TMEM267: variants seen among roughly 807,000 people sequenced by gnomAD.
TMEM267 encodes the protein transmembrane protein 267, also known as transmembrane protein C5orf28.
A neutral mutation model predicts 19.3 loss-of-function variants in TMEM267; 20 were observed. The ratio of observed to expected loss-of-function variants is 1.04; its 90% CI spans 0.73 to 1.51. The LOEUF (loss-of-function observed/expected upper bound fraction) is 1.51. Ranked by LOEUF, TMEM267 falls within the 40% of genes most tolerant of loss-of-function variation. The pLI, the probability that TMEM267 is intolerant of heterozygous loss-of-function variation, is 0.00. For missense variants in TMEM267, 242 were observed against 261.9 expected, an observed-to-expected ratio of 0.92 and a Z score of 0.52; for synonymous variants, 88 against 90.3, an observed-to-expected ratio of 0.97 and a Z score of 0.15.
At chr5:43,460,094 T>C (rs979151057) in intron 1 of TMEM267, among the ~76,000 whole-genome samples, 2 of 152,208 alleles carry the variant, frequency 1.3e-5, no homozygotes, top group Non-Finnish European at 2.9e-5. Flanking sequence ...AGAACTCGCA[T>C]GTGCAGTTCA....
At chr5:43,470,435 C>T (rs1157316837) in intron 1 of TMEM267, among the ~76,000 whole-genome samples, 2 of 152,172 alleles carry the variant, frequency 1.3e-5, no homozygotes, top group Non-Finnish European at 2.9e-5. Context: ...AGCCACCATG[C>T]CTGGCCCCAA....
intron 1 of TMEM267, among the ~76,000 whole-genome samples, chr5:43,476,792 T>C (rs914756498): frequency 3.3e-5 from 5 of 151,500 alleles, no homozygotes; most frequent in African/African-American, 1.2e-4. Context: ...AATTCTGAAT[T>C]GGTAGAGGAA....
chr5:43,459,397 T>A (rs1253670703), intron 1 of TMEM267, among the ~76,000 whole-genome samples: 1 of 152,204 alleles, frequency 6.6e-6, no homozygotes, highest in Non-Finnish European at 1.5e-5. Flanking sequence ...CAAATGTGAA[T>A]GTGTTAAATT....
intron 1 of TMEM267, among the ~76,000 whole-genome samples, chr5:43,461,654 C>T (rs778110487): frequency 1.3e-5 from 2 of 152,122 alleles, no homozygotes; most frequent in Non-Finnish European, 2.9e-5. Context: ...TCTGGCAGTA[C>T]TCTTTGTGAC....
At chr5:43,461,379 A>G (rs1393299810) in intron 1 of TMEM267, among the ~76,000 whole-genome samples, 3 of 152,120 alleles carry the variant, frequency 2.0e-5, no homozygotes, top group African/African-American at 7.2e-5. Context: ...GCTATGGGAA[A>G]AAACTCCCTC....
chr5:43,445,840 T>C lies in TMEM267; in HGVS notation c.*382A>G, dbSNP rs1742205612. On this transcript the variant is annotated 3_prime_UTR_variant, in exon 3 of 3. Coordinates refer to ENST00000397080, the MANE Select transcript of TMEM267 (RefSeq NM_022483.5). ...GGATCCAAATATAATGTTAACTCTT[T>C]ACAAATTAGTTACCCTAAAATTTGA... is the stretch of plus-strand genomic sequence containing the variant. 1 of 153,992 alleles carries C rather than the reference T, an allele frequency of 6.5e-6. No homozygotes were observed. Among genetic ancestry groups the C allele is most frequent in the East Asian group, 1.9e-4 (1 of 5,268 alleles). 9.5% of individuals were successfully genotyped at this position (153,992 alleles called of 1,614,324 possible).
At chr5:43,467,567 C>G (rs1743816791) in intron 1 of TMEM267, among the ~76,000 whole-genome samples, 1 of 152,106 alleles carries the variant, frequency 6.6e-6, no homozygotes, top group Admixed American at 6.6e-5. Context: ...AACACTGCAG[C>G]ACCCAGATAT....
rs188761060 is a variant in TMEM267, at chr5:43,467,110, T to C, written c.-74-13067A>G. Among the ~76,000 whole-genome samples the C allele has an allele frequency of 9.7e-3, 1,358 of 139,568 alleles. 20 individuals are homozygous for C. Among genetic ancestry groups the C allele is most frequent in the South Asian group, 0.045 (203 of 4,514 alleles). 91.6% of individuals were successfully genotyped at this position (139,568 alleles called of 152,430 possible). A position where few individuals can be genotyped will look rare whatever the true frequency, so the allele number is the denominator to read the frequency against. On this transcript the variant is annotated intron_variant, in intron 1 of 2. Coordinates refer to ENST00000397080, the MANE Select transcript of TMEM267 (RefSeq NM_022483.5). ...GTTGCAGTGAGCTGAGACTGTGCCA[T>C]TGCACTCCAGTCTGGGCAACAGAGA...
chr5:43,477,920 TTTA>T (rs1011894964), intron 1 of TMEM267, among the ~76,000 whole-genome samples: 16 of 152,352 alleles, frequency 1.1e-4, no homozygotes, highest in African/African-American at 3.8e-4. Flanking sequence ...GATGGTTCAA[TTTA>T]TTATTTTTTT....
Position 43,453,778 on chromosome 5 carries a change from T to G in TMEM267, c.192A>C (p.Ser64=), listed in dbSNP as rs778610303. 3 of 1,614,164 alleles carry G rather than the reference T, an allele frequency of 1.9e-6. No homozygotes were observed. The highest frequency in any genetic ancestry group is 1.1e-5 in the South Asian group (1 of 91,084). Residue 64 remains serine (S), a synonymous_variant, in exon 2 of 3, where the codon TCA becomes TCC. Transcript: ENST00000397080. ...NAVHCVIGMW[S]WAVVTGIKKK... is the part of the protein sequence containing the mutation. ...TCTTGATTCCAGTGACTACCGCCCA[T>G]GACCACATGCCAATTACACAATGTA...
At chr5:43,473,884 C>A (rs145155099) in intron 1 of TMEM267, among the ~76,000 whole-genome samples, 3 of 152,136 alleles carry the variant, frequency 2.0e-5, no homozygotes, top group African/African-American at 7.2e-5. Context: ...GCTACAGTAA[C>A]AAAAACAGCA....
chr5:43,461,539 G>A (rs1194257778), intron 1 of TMEM267, among the ~76,000 whole-genome samples: 1 of 152,144 alleles, frequency 6.6e-6, no homozygotes, highest in Non-Finnish European at 1.5e-5. Flanking sequence ...GACCTGCCCT[G>A]GGCCACAGAG....
rs1742447194 is a variant in TMEM267, at chr5:43,449,396, G to A, written c.313-2839C>T. Among the ~76,000 whole-genome samples the A allele has an allele frequency of 2.6e-5, 4 of 152,104 alleles. No homozygotes were observed. In the South Asian group the frequency reaches 8.3e-4, roughly 32 times the overall value. On this transcript the variant is annotated intron_variant, in intron 2 of 2. Coordinates refer to ENST00000397080, the MANE Select transcript of TMEM267 (RefSeq NM_022483.5). ...ACAGGCAAAAAGAAACAACATATGT[G>A]TAACTGAAGTCCCTAAAGAAGAAAA...
intron 2 of TMEM267, among the ~76,000 whole-genome samples, chr5:43,447,162 G>A (rs554410124): frequency 2.7e-5 from 4 of 150,890 alleles, no homozygotes; most frequent in South Asian, 2.1e-4. Context: ...GCGCAATCTC[G>A]GCTCACTGCA....
At chr5:43,456,319 A>C (rs1227640326) in intron 1 of TMEM267, among the ~76,000 whole-genome samples, 1 of 152,256 alleles carries the variant, frequency 6.6e-6, no homozygotes, top group Non-Finnish European at 1.5e-5. Flanking sequence ...AATAAAACAT[A>C]AAAAGATAAA....
chr5:43,469,260 A>T (rs1743924738), intron 1 of TMEM267, among the ~76,000 whole-genome samples: 1 of 152,206 alleles, frequency 6.6e-6, no homozygotes, highest in South Asian at 2.1e-4. Context: ...CAAAAGATTA[A>T]TGAAACATAA....
intron 1 of TMEM267, among the ~76,000 whole-genome samples, chr5:43,463,770 A>T (rs950297014): frequency 1.3e-5 from 2 of 152,110 alleles, no homozygotes; most frequent in Admixed American, 6.6e-5. Context: ...CATGCTAAAA[A>T]CTCTCAATAA....
At chr5:43,467,922 G>A (rs1305685611) in intron 1 of TMEM267, among the ~76,000 whole-genome samples, 1 of 152,102 alleles carries the variant, frequency 6.6e-6, no homozygotes, top group Non-Finnish European at 1.5e-5. Context: ...GCCTTACTTT[G>A]AGCTGTATCT....
At chr5:43,473,362 G>A (rs532501713) in intron 1 of TMEM267, among the ~76,000 whole-genome samples, 10 of 152,118 alleles carry the variant, frequency 6.6e-5, no homozygotes, top group East Asian at 3.9e-4. Flanking sequence ...AAACCCCATC[G>A]TCTCAGCCCA....
Sources: gnomAD v4.1 joint callset for allele counts (sites outside exome capture counted in the v4.1 genomes callset) on GRCh38, gnomAD v4.1.1 for gene constraint, MANE v1.5 for transcripts, NCBI Gene and HGNC (gene_info 2026-07-23, HGNC 2026-07-21) for gene names.